Variants in PPP3CA observed in about 807,000 individuals in gnomAD.
PPP3CA encodes the protein protein phosphatase 3 catalytic subunit alpha, also known as CAM-PRP catalytic subunit.
In PPP3CA, 14 loss-of-function variants were observed where a neutral mutation model predicts 66.5. The observed-to-expected ratio is 0.21, with a 90% confidence interval of 0.14 to 0.33. PPP3CA has a LOEUF of 0.33. Ranked by LOEUF, PPP3CA falls within the 10% of genes least tolerant of loss-of-function variation. The pLI is 1.00. For missense variants in PPP3CA, 317 were observed against 639.5 expected (o/e 0.50, Z 5.44); for synonymous variants, 232 against 226.2 (o/e 1.03, Z -0.23).
chr4:101,042,845 C>T (rs953996343), intron 10 of PPP3CA, among the ~76,000 whole-genome samples: 3 of 149,670 alleles, frequency 2.0e-5, no homozygotes, highest in African/African-American at 7.4e-5. Context: ...CAAATAGTCC[C>T]CTTAGGGTGG....
At chr4:101,063,598 C>T (rs565606973) in intron 8 of PPP3CA, among the ~76,000 whole-genome samples, 2 of 151,946 alleles carry the variant, frequency 1.3e-5, no homozygotes, top group Middle Eastern at 3.4e-3. Flanking sequence ...AAAATATTTA[C>T]ACAAAATAGT....
chr4:101,118,352 C>T (rs1721913816), intron 2 of PPP3CA, among the ~76,000 whole-genome samples: 1 of 151,932 alleles, frequency 6.6e-6, no homozygotes, highest in Non-Finnish European at 1.5e-5. Flanking sequence ...TGTTTCTTCA[C>T]ATGTAAAGAT....
chr4:101,270,363 A>G (rs1454238758), intron 1 of PPP3CA, among the ~76,000 whole-genome samples: 2 of 152,172 alleles, frequency 1.3e-5, no homozygotes, highest in African/African-American at 4.8e-5. Flanking sequence ...AATGTCAGGT[A>G]CTAGATAAGC....
At chr4:101,155,258 C>A (rs182979357) in intron 2 of PPP3CA, among the ~76,000 whole-genome samples, 156 of 152,206 alleles carry the variant, frequency 1.0e-3, no homozygotes, top group African/African-American at 3.7e-3. Context: ...GTGCTTGACA[C>A]CAGGTATATA....
chr4:101,267,150 AGAT>A (rs926680668), intron 1 of PPP3CA, among the ~76,000 whole-genome samples: 1 of 152,220 alleles, frequency 6.6e-6, no homozygotes, highest in Non-Finnish European at 1.5e-5. Flanking sequence ...GGAGGACTCT[AGAT>A]AATGGAACTT....
chr4:101,344,545 T>G (rs1309698451), intron 1 of PPP3CA, among the ~76,000 whole-genome samples: 1 of 152,184 alleles, frequency 6.6e-6, no homozygotes, highest in Non-Finnish European at 1.5e-5. Flanking sequence ...TTTTCCTATT[T>G]TGAGTCTACT....
rs191942104 is a variant in PPP3CA, at chr4:101,228,354, C to A, written c.59-32238G>T. ...GTGAAGTTTTATGAGAATTAAATCA[C>A]AATTCAAAATTATGAACACATAGCA... On this transcript the variant is annotated intron_variant, in intron 1 of 13. Coordinates refer to ENST00000394854, the MANE Select transcript of PPP3CA (RefSeq NM_000944.5). 1.2e-3 allele frequency among the ~76,000 whole-genome samples: 181 copies of A among 151,534 alleles called. 1 individual carries two copies. The highest frequency in any genetic ancestry group is 4.3e-3 in the African/African-American group (178 of 41,432).
At chr4:101,232,697 A>G (rs1222646752) in intron 1 of PPP3CA, among the ~76,000 whole-genome samples, 1 of 151,716 alleles carries the variant, frequency 6.6e-6, no homozygotes, top group Non-Finnish European at 1.5e-5. Context: ...AGAAAAAAGG[A>G]ATATCTCTTT....
intron 5 of PPP3CA, among the ~76,000 whole-genome samples, 158 bp downstream of exon 5, chr4:101,098,209 T>C (rs1243190454): frequency 6.6e-6 from 1 of 152,202 alleles, no homozygotes; most frequent in Non-Finnish European, 1.5e-5. Context: ...ATATCTCTCT[T>C]TCTAGATAAA....
In PPP3CA at chr4:101,294,490, A is replaced by T. The variant is rs145315297; in HGVS notation, c.58+52249T>A. Among the ~76,000 whole-genome samples the T allele has an allele frequency of 6.4e-3, 978 of 152,290 alleles. 9 individuals are homozygous for T. Among genetic ancestry groups the T allele is most frequent in the African/African-American group, 0.023 (937 of 41,542 alleles). ...TTCAGTATTATAATTTTATAACCAC[A>T]TATCAAGTAGATGCTATAATTTCAT... On this transcript the variant is annotated intron_variant, in intron 1 of 13. Transcript: ENST00000394854.
chr4:101,277,951 C>G (rs987880783), intron 1 of PPP3CA, among the ~76,000 whole-genome samples: 1 of 151,976 alleles, frequency 6.6e-6, no homozygotes, highest in African/African-American at 2.4e-5. Flanking sequence ...CCTTCCTAAT[C>G]TTCCTAGGAT....
At chr4:101,239,614 TAGAC>T (rs1305307266) in intron 1 of PPP3CA, among the ~76,000 whole-genome samples, 1 of 152,030 alleles carries the variant, frequency 6.6e-6, no homozygotes, top group Non-Finnish European at 1.5e-5. Context: ...AACTCACAAG[TAGAC>T]AGTAAAAATG....
chr4:101,172,132 C>A (rs771444523), intron 2 of PPP3CA, among the ~76,000 whole-genome samples: 19 of 152,100 alleles, frequency 1.2e-4, no homozygotes, highest in Non-Finnish European at 2.4e-4. Context: ...CCGCTTGACT[C>A]TCTCAATAAG....
intron 1 of PPP3CA, among the ~76,000 whole-genome samples, chr4:101,286,029 G>C (rs1164378047): frequency 1.3e-5 from 2 of 152,206 alleles, no homozygotes; most frequent in Non-Finnish European, 2.9e-5. Context: ...GTACAAGGCG[G>C]GGGTGGATGG....
rs568822147 is a variant in PPP3CA at position 101,280,255 on chromosome 4, C to T, written c.58+66484G>A. ...TTGAGAATAGTGATATTTGAGCAGACGTAAGGAGGTGGGGAGACTAAGCCA... is the reference window on the plus strand; with the variant it reads ...TTGAGAATAGTGATATTTGAGCAGATGTAAGGAGGTGGGGAGACTAAGCCA... On this transcript the variant is annotated intron_variant, in intron 1 of 13. Transcript: ENST00000394854. 1.2e-4 allele frequency among the ~76,000 whole-genome samples: 18 copies of T among 152,136 alleles called. No individual in the cohort carries two copies. In the East Asian group the frequency reaches 3.5e-3, roughly 29 times the overall value.
chr4:101,270,486 A>G (rs1259316785), intron 1 of PPP3CA, among the ~76,000 whole-genome samples: 2 of 152,224 alleles, frequency 1.3e-5, no homozygotes, highest in Non-Finnish European at 2.9e-5. Context: ...ATGTTTAAAG[A>G]CACTAAAAAT....
chr4:101,085,577 A>G (rs1311140617), intron 6 of PPP3CA, among the ~76,000 whole-genome samples: 1 of 152,164 alleles, frequency 6.6e-6, no homozygotes, highest in African/African-American at 2.4e-5. Flanking sequence ...TTCATTTTGA[A>G]GAAAAACTTC....
intron 1 of PPP3CA, among the ~76,000 whole-genome samples, chr4:101,202,003 G>C (rs919701378): frequency 1.3e-5 from 2 of 152,166 alleles, no homozygotes; most frequent in African/African-American, 2.4e-5. Flanking sequence ...AGCTTACCAG[G>C]TGGTATAATT....
intron 2 of PPP3CA, among the ~76,000 whole-genome samples, chr4:101,127,805 A>G (rs1334080134): frequency 6.6e-6 from 1 of 152,238 alleles, no homozygotes; most frequent in Non-Finnish European, 1.5e-5. Flanking sequence ...CAATGTTTCT[A>G]AGCATTTTGG....
Sources: allele counts gnomAD v4.1 joint callset (sites outside exome capture counted in the v4.1 genomes callset), GRCh38; gene constraint gnomAD v4.1.1; transcripts MANE v1.5; gene names NCBI Gene and HGNC (gene_info 2026-07-23, HGNC 2026-07-21).